Variants in UPK3BL2 observed in about 807,000 individuals in gnomAD.
UPK3BL2 encodes the protein uroplakin 3B like 2.
A neutral mutation model predicts 11.3 loss-of-function variants in UPK3BL2; 1 was observed. That is an observed-to-expected ratio of 0.09 (90% CI 0.03 to 0.42). The LOEUF is 0.42. Among genes scored for constraint, UPK3BL2 ranks in the 10% least tolerant of loss-of-function variants. The pLI is 0.98.
At chr7:102,540,865 A>AAC (rs1800232356) in intron 3 of UPK3BL2, among the ~76,000 whole-genome samples, 1 of 121,650 alleles carries the variant, frequency 8.2e-6, no homozygotes, top group African/African-American at 3.5e-5. Flanking sequence ...CAAAAAAAAA[A>AAC]AAAAAAAAAA....
At chr7:102,543,020 G>T (rs1380620823) in intron 1 of UPK3BL2, among the ~76,000 whole-genome samples, 3 of 148,632 alleles carry the variant, frequency 2.0e-5, no homozygotes, top group South Asian at 2.2e-4. Context: ...AAAAAAGAAA[G>T]AAAGAAAAAA....
intron 3 of UPK3BL2, among the ~76,000 whole-genome samples, chr7:102,540,855 C>CAAAACAAAACAAAA (rs1479651896): frequency 8.2e-5 from 5 of 61,264 alleles, no homozygotes; most frequent in Non-Finnish European, 1.5e-4. Context: ...AAAAACAAAA[C>CAAAACAAAACAAAA]AAAAAAAAAA....
At chr7:102,541,897 G>A (rs1426580408) in intron 1 of UPK3BL2, among the ~76,000 whole-genome samples, 3 of 152,206 alleles carry the variant, frequency 2.0e-5, no homozygotes, top group African/African-American at 7.2e-5. Flanking sequence ...ACTGGGGGTG[G>A]GCACTGTGGG....
At chr7:102,539,173 C>T (rs1395818451) in intron 5 of UPK3BL2, among the ~76,000 whole-genome samples, 1 of 77,484 alleles carries the variant, frequency 1.3e-5, no homozygotes, top group African/African-American at 3.6e-5. Context: ...CCTTCCTCAG[C>T]CTCCTGAGTA....
chr7:102,540,062 C>G lies in UPK3BL2; in HGVS notation c.515G>C (p.Gly172Ala). The G allele has an allele frequency of 2.4e-6, 3 of 1,228,492 alleles. 1 individual carries two copies. Among genetic ancestry groups the G allele is most frequent in the Non-Finnish European group, 3.3e-6 (3 of 899,028 alleles). The allele number at this position is 1,228,492 out of a possible 1,614,324, so 76.1% of individuals were successfully genotyped here. ...GGACCACTTTGTTTCAGCCACGGGT[C>G]CTTCGTCATTCATCACCAGGAACTT... Residue 172 changes from glycine (G) to alanine (A), a missense_variant, in exon 4 of 6, where the codon GGA becomes GCA. Coordinates refer to ENST00000644544, the Ensembl canonical transcript of UPK3BL2.
At chr7:102,540,903 GA>G (rs1800245497) in intron 3 of UPK3BL2, among the ~76,000 whole-genome samples, 189 bp downstream of exon 3, 1 of 82,370 alleles carries the variant, frequency 1.2e-5, no homozygotes, top group Non-Finnish European at 2.6e-5. Flanking sequence ...AAAAAAAAGA[GA>G]AGAAGGATAA....
At chr7:102,540,855 C>CAAACAAAAAAAAAAAAAAAAA (rs1800225599) in intron 3 of UPK3BL2, among the ~76,000 whole-genome samples, 3 of 61,264 alleles carry the variant, frequency 4.9e-5, no homozygotes, top group African/African-American at 1.4e-4. Flanking sequence ...AAAAACAAAA[C>CAAACAAAAAAAAAAAAAAAAA]AAAAAAAAAA....
rs1277817779 is a variant in UPK3BL2 at position 102,542,714 on chromosome 7, T to G, written c.112+811A>C. The G allele has an allele frequency of 1.1e-4, 100 of 942,876 alleles. 2 individuals are homozygous for G. The highest frequency in any genetic ancestry group is 1.2e-4 in the Non-Finnish European group (95 of 793,668). 58.4% of individuals were successfully genotyped at this position (942,876 alleles called of 1,614,324 possible). ...GGCACGTAATGTTTAGAAAGAGAAGTGGAGGCCGGGCGCGGTGGCTCACGT... is the reference window on the plus strand; with the variant it reads ...GGCACGTAATGTTTAGAAAGAGAAGGGGAGGCCGGGCGCGGTGGCTCACGT... On this transcript the variant is annotated intron_variant, in intron 1 of 5. Transcript: ENST00000644544.
At chr7:102,542,998 G>GAAAAAAAAAAAAAAAAA (rs536228128) in intron 1 of UPK3BL2, among the ~76,000 whole-genome samples, 1 of 116,570 alleles carries the variant, frequency 8.6e-6, no homozygotes, top group Non-Finnish European at 1.9e-5. Flanking sequence ...ACTCTGTCTC[G>GAAAAAAAAAAAAAAAAA]AAAAAAAAAA....
chr7:102,542,681 G>A lies in UPK3BL2; in HGVS notation c.112+844C>T, dbSNP rs1470516250. 9 of 940,414 alleles carry A rather than the reference G, an allele frequency of 9.6e-6. 1 individual carries two copies. In the East Asian group the frequency reaches 8.1e-4, roughly 85 times the overall value. The allele number at this position is 940,414 out of a possible 1,614,324, so 58.3% of individuals were successfully genotyped here. ...ATCTCTGAAGCCCAGGGCACTCTGTGTGCAGGAGGCACGTAATGTTTAGAA... is the reference window on the plus strand; with the variant it reads ...ATCTCTGAAGCCCAGGGCACTCTGTATGCAGGAGGCACGTAATGTTTAGAA... On this transcript the variant is annotated intron_variant, in intron 1 of 5. Transcript: ENST00000644544.
intron 1 of UPK3BL2, among the ~76,000 whole-genome samples, chr7:102,543,229 C>T (rs2133374194): frequency 6.8e-6 from 1 of 147,252 alleles, no homozygotes; most frequent in East Asian, 2.0e-4. Context: ...CCTCCCGCCT[C>T]AGTCTCCCAA....
chr7:102,542,670 G>C, intron 1 of UPK3BL2: 1 of 941,876 alleles, frequency 1.1e-6, no homozygotes, highest in South Asian at 5.0e-5. Flanking sequence ...CTGAAGCCCA[G>C]GGCACTCTGT....
At chr7:102,543,103 A>C (rs1360845930) in intron 1 of UPK3BL2, among the ~76,000 whole-genome samples, 1 of 148,612 alleles carries the variant, frequency 6.7e-6, no homozygotes, top group Admixed American at 6.7e-5. Flanking sequence ...GTAGGACTGT[A>C]TCTCTCAGCC....
intron 3 of UPK3BL2, among the ~76,000 whole-genome samples, chr7:102,540,855 C>CAAACAAAAAAAAAAAAAAAA (rs1800225599): frequency 3.3e-5 from 2 of 61,266 alleles, no homozygotes; most frequent in African/African-American, 9.6e-5. Context: ...AAAAACAAAA[C>CAAACAAAAAAAAAAAAAAAA]AAAAAAAAAA....
chr7:102,540,873 AAAAGAAG>A (rs1800234689), intron 3 of UPK3BL2, among the ~76,000 whole-genome samples: 1 of 126,986 alleles, frequency 7.9e-6, no homozygotes, highest in East Asian at 2.2e-4. Context: ...AAAAAAAAAA[AAAAGAAG>A]AAAAGGAAAA....
At chr7:102,543,016 G>A (rs201451488) in intron 1 of UPK3BL2, among the ~76,000 whole-genome samples, 13,614 of 111,686 alleles carry the variant, frequency 0.12, 64 homozygotes, top group East Asian at 0.33. Flanking sequence ...AAAAAAAAAA[G>A]AAAGAAAGAA....
intron 3 of UPK3BL2, among the ~76,000 whole-genome samples, chr7:102,540,888 A>C (rs1800242553): frequency 1.8e-4 from 21 of 118,306 alleles, no homozygotes; most frequent in Non-Finnish European, 3.8e-4. Context: ...AAGAAAAGGA[A>C]AAAAAAAAAA....
intron 3 of UPK3BL2, among the ~76,000 whole-genome samples, 168 bp downstream of exon 3, chr7:102,540,925 T>TCATGAAG (rs1239498654): frequency 7.7e-6 from 1 of 129,768 alleles, no homozygotes; most frequent in East Asian, 2.4e-4. Context: ...TTCATGTAAT[T>TCATGAAG]CATGAAGGCC....
chr7:102,540,879 AG>A (rs1800238601), intron 3 of UPK3BL2, among the ~76,000 whole-genome samples: 6 of 113,132 alleles, frequency 5.3e-5, no homozygotes, highest in South Asian at 3.2e-4. Flanking sequence ...AAAAAAAAGA[AG>A]AAAAGGAAAA....
Sources: gnomAD v4.1 joint callset for allele counts (sites outside exome capture counted in the v4.1 genomes callset) on GRCh38, gnomAD v4.1.1 for gene constraint, MANE v1.5 for transcripts, NCBI Gene and HGNC (gene_info 2026-07-23, HGNC 2026-07-21) for gene names.